The following NRXN1 variants were observed in gnomAD, a reference collection of about 807,000 sequenced individuals.
The protein encoded by NRXN1 is neurexin-1.
A neutral mutation model predicts 150.9 loss-of-function variants in NRXN1; 39 were observed. The ratio of observed to expected loss-of-function variants is 0.26; its 90% CI spans 0.20 to 0.34. The LOEUF (loss-of-function observed/expected upper bound fraction) is 0.34, where lower values mean the gene tolerates loss of function less well. Ranked by LOEUF, NRXN1 falls within the 10% of genes least tolerant of loss-of-function variation. The pLI is 1.00. For synonymous variants in NRXN1, 924 were observed against 757.0 expected (o/e 1.22, Z -3.62); for missense variants, 1,815 against 1,949.9 (o/e 0.93, Z 1.30).
chr2:50,967,129 A>G (rs1293574122), intron 2 of NRXN1, among the ~76,000 whole-genome samples: 1 of 151,916 alleles, frequency 6.6e-6, no homozygotes, highest in East Asian at 1.9e-4. Context: ...CTCCTCCATA[A>G]TATCTTCCAT....
In NRXN1 at chr2:50,745,298, T is replaced by TC. The variant is rs1559200922; in HGVS notation, c.833-121684_833-121683insG. Among the ~76,000 whole-genome samples the TC allele has an allele frequency of 6.7e-3, 681 of 101,674 alleles. 7 individuals are homozygous for TC. Among genetic ancestry groups the TC allele is most frequent in the African/African-American group, 0.024 (648 of 26,766 alleles). The allele number at this position is 101,674 out of a possible 152,430, so 66.7% of individuals were successfully genotyped here. On this transcript the variant is annotated intron_variant, in intron 5 of 22. Transcript: ENST00000401669. Reference sequence around the variant, plus strand: ...TCATGCTTATTTTTATATTTATATCTGCCCCCCCCCAGGACTGAAAAAAAA... The same window carrying TC: ...TCATGCTTATTTTTATATTTATATCTCGCCCCCCCCCAGGACTGAAAAAAAA...
intron 5 of NRXN1, among the ~76,000 whole-genome samples, chr2:50,678,709 A>C (rs1689905677): frequency 6.6e-6 from 1 of 152,122 alleles, no homozygotes; most frequent in African/African-American, 2.4e-5. Context: ...AGTGCAGATA[A>C]TATTCTCTCC....
chr2:50,713,446 A>G (rs1450460178), intron 5 of NRXN1, among the ~76,000 whole-genome samples: 1 of 152,190 alleles, frequency 6.6e-6, no homozygotes, highest in Non-Finnish European at 1.5e-5. Context: ...TACGAATTCA[A>G]AAGAGCCTAG....
chr2:50,640,940 A>G (rs1170901752), intron 5 of NRXN1, among the ~76,000 whole-genome samples: 1 of 152,172 alleles, frequency 6.6e-6, no homozygotes. Flanking sequence ...TCTTGGGATA[A>G]AATAAGTAGA....
At chr2:49,948,061 G>T (rs556458626) in intron 21 of NRXN1, among the ~76,000 whole-genome samples, 3 of 151,980 alleles carry the variant, frequency 2.0e-5, no homozygotes, top group Non-Finnish European at 2.9e-5. Flanking sequence ...AGCTACATTG[G>T]TATTTTGTTG....
chr2:50,391,524 G>T lies in NRXN1; in HGVS notation c.3364+73918C>A, dbSNP rs7575519. On this transcript the variant is annotated intron_variant, in intron 17 of 22. Transcript: ENST00000401669. Reference sequence around the variant, plus strand: ...CAACCCTCTTAAAATATAGTTATTAGGGATTTTATCACTTATTTTGAAAAT... The same window carrying T: ...CAACCCTCTTAAAATATAGTTATTATGGATTTTATCACTTATTTTGAAAAT... Among the ~76,000 whole-genome samples, 495 of 152,190 alleles carry T rather than the reference G, an allele frequency of 3.3e-3. 3 individuals are homozygous for T. Among genetic ancestry groups the T allele is most frequent in the African/African-American group, 0.011 (466 of 41,546 alleles).
At chr2:50,533,310 A>G (rs1324655947) in intron 10 of NRXN1, among the ~76,000 whole-genome samples, 1 of 152,142 alleles carries the variant, frequency 6.6e-6, no homozygotes, top group African/African-American at 2.4e-5. Context: ...GAAATTTTCA[A>G]TTGGAATATG....
intron 5 of NRXN1, among the ~76,000 whole-genome samples, chr2:50,907,382 T>C (rs527965738): frequency 6.6e-6 from 1 of 152,190 alleles, no homozygotes; most frequent in East Asian, 2.0e-4. Flanking sequence ...ACATGAAACT[T>C]TGATTAACTA....
At chr2:50,057,470 A>G (rs1408594490) in intron 19 of NRXN1, among the ~76,000 whole-genome samples, 1 of 152,148 alleles carries the variant, frequency 6.6e-6, no homozygotes, top group Non-Finnish European at 1.5e-5. Context: ...ACTTGACTAT[A>G]TTATTTGTAG....
chr2:50,535,684 C>T (rs1221343621), intron 10 of NRXN1, among the ~76,000 whole-genome samples: 1 of 152,124 alleles, frequency 6.6e-6, no homozygotes, highest in Admixed American at 6.6e-5. Context: ...TGTACTACTC[C>T]TTCTTATAGG....
intron 9 of NRXN1, among the ~76,000 whole-genome samples, chr2:50,539,419 A>G (rs368004081): frequency 6.6e-6 from 1 of 152,186 alleles, no homozygotes; most frequent in East Asian, 1.9e-4. Flanking sequence ...AGAAAAATCT[A>G]TTGGTTTATA....
At chr2:50,201,712 T>C (rs1284488510) in intron 18 of NRXN1, among the ~76,000 whole-genome samples, 1 of 152,196 alleles carries the variant, frequency 6.6e-6, no homozygotes, top group Non-Finnish European at 1.5e-5. Flanking sequence ...CTCACTGTTT[T>C]TAAGAGTTAG....
chr2:50,015,606 A>G (rs1021821286), intron 21 of NRXN1, among the ~76,000 whole-genome samples: 1 of 149,024 alleles, frequency 6.7e-6, no homozygotes, highest in Non-Finnish European at 1.5e-5. Flanking sequence ...ACCCTTCTGT[A>G]TAATATTATG....
intron 21 of NRXN1, among the ~76,000 whole-genome samples, chr2:50,002,776 T>C (rs960015887): frequency 6.6e-6 from 1 of 152,098 alleles, no homozygotes; most frequent in African/African-American, 2.4e-5. Flanking sequence ...TTGTAGTTAG[T>C]TGTATGACTA....
At chr2:49,939,723 T>TG (rs995571403) in intron 22 of NRXN1, among the ~76,000 whole-genome samples, 3 of 152,158 alleles carry the variant, frequency 2.0e-5, no homozygotes, top group African/African-American at 7.2e-5. Context: ...ATAACTGAAT[T>TG]GGGGGAAAAA....
intron 13 of NRXN1, among the ~76,000 whole-genome samples, chr2:50,502,172 C>T (rs1260497290): frequency 6.6e-6 from 1 of 150,626 alleles, no homozygotes; most frequent in African/African-American, 2.4e-5. Flanking sequence ...TTCATGAGAT[C>T]TCTGACAAAA....
At chr2:50,114,483 T>C (rs982491719) in intron 18 of NRXN1, among the ~76,000 whole-genome samples, 1 of 152,170 alleles carries the variant, frequency 6.6e-6, no homozygotes, top group African/African-American at 2.4e-5. Flanking sequence ...TCTTACTACA[T>C]GATTCAGCAA....
At chr2:50,450,054 T>C (rs1481959840) in intron 17 of NRXN1, among the ~76,000 whole-genome samples, 1 of 152,200 alleles carries the variant, frequency 6.6e-6, no homozygotes, top group African/African-American at 2.4e-5. Flanking sequence ...AAGCCTCATC[T>C]GTTTACTTCT....
chr2:50,555,607 C>T (rs768933237), intron 8 of NRXN1, among the ~76,000 whole-genome samples: 30 of 152,168 alleles, frequency 2.0e-4, no homozygotes, highest in Non-Finnish European at 2.6e-4. Flanking sequence ...CAGTGGCTGG[C>T]ACAGAGTAGA....
Sources: allele counts gnomAD v4.1 joint callset (sites outside exome capture counted in the v4.1 genomes callset), GRCh38; gene constraint gnomAD v4.1.1; transcripts MANE v1.5; gene names NCBI Gene and HGNC (gene_info 2026-07-23, HGNC 2026-07-21).